CTNNA2: variants seen among roughly 807,000 people sequenced by gnomAD.
CTNNA2 encodes catenin alpha-2.
CTNNA2 carries 42 observed loss-of-function variants against 101.0 expected under a neutral mutation model. The observed-to-expected ratio is 0.42, with a 90% confidence interval of 0.32 to 0.54. The LOEUF (loss-of-function observed/expected upper bound fraction) is 0.54, where lower values mean the gene tolerates loss of function less well. Among genes scored for constraint, CTNNA2 ranks in the 20% least tolerant of loss-of-function variants. The pLI is 0.14. For synonymous variants in CTNNA2, 450 were observed against 456.4 expected, an observed-to-expected ratio of 0.99 and a Z score of 0.18; for missense variants, 871 against 1,223.1, an observed-to-expected ratio of 0.71 and a Z score of 4.29.
chr2:79,964,868 C>T (rs923718134), intron 7 of CTNNA2, among the ~76,000 whole-genome samples: 9 of 152,262 alleles, frequency 5.9e-5, no homozygotes, highest in African/African-American at 2.2e-4. Context: ...CAGGGATCCC[C>T]TTTTTCCAGT....
At chr2:80,539,124 T>G (rs1453948837) in intron 9 of CTNNA2, among the ~76,000 whole-genome samples, 1 of 152,104 alleles carries the variant, frequency 6.6e-6, no homozygotes, top group East Asian at 1.9e-4. Context: ...GTTCAAGCAA[T>G]TCTTGTACCT....
chr2:80,239,928 A>C (rs1709758053), intron 7 of CTNNA2, among the ~76,000 whole-genome samples: 1 of 151,144 alleles, frequency 6.6e-6, no homozygotes, highest in East Asian at 1.9e-4. Flanking sequence ...AAAAAACAAA[A>C]AACAAAACAA....
At chr2:80,165,672 C>T (rs753181722) in intron 7 of CTNNA2, among the ~76,000 whole-genome samples, 8 of 152,028 alleles carry the variant, frequency 5.3e-5, no homozygotes, top group Non-Finnish European at 1.0e-4. Flanking sequence ...TGGGGATGAC[C>T]GGATTATCAC....
At chr2:79,399,582 T>G (rs75639042) in intron 4 of CTNNA2, among the ~76,000 whole-genome samples, 6,677 of 152,126 alleles carry the variant, frequency 0.044, 192 homozygotes, top group Non-Finnish European at 0.064. Flanking sequence ...ATAGTCCAGA[T>G]AAGTCAATAA....
At chr2:80,017,733 A>G (rs556574462) in intron 7 of CTNNA2, among the ~76,000 whole-genome samples, 1 of 152,108 alleles carries the variant, frequency 6.6e-6, no homozygotes, top group Non-Finnish European at 1.5e-5. Context: ...AATTTCATTC[A>G]TAGACATTGA....
chr2:79,801,092 T>C (rs765431649), intron 3 of CTNNA2, among the ~76,000 whole-genome samples: 1 of 152,186 alleles, frequency 6.6e-6, no homozygotes, highest in Non-Finnish European at 1.5e-5. Context: ...TTAGAGAAAT[T>C]AGAAAGGACT....
At chr2:79,608,767 C>T (rs1358788351) in intron 1 of CTNNA2, among the ~76,000 whole-genome samples, 3 of 152,034 alleles carry the variant, frequency 2.0e-5, no homozygotes, top group African/African-American at 7.2e-5. Flanking sequence ...CAATAAAGAA[C>T]ATCTACATAA....
intron 7 of CTNNA2, among the ~76,000 whole-genome samples, chr2:80,206,642 C>T (rs1022252121): frequency 1.3e-5 from 2 of 152,164 alleles, no homozygotes; most frequent in African/African-American, 4.8e-5. Flanking sequence ...TCTGTGTTAC[C>T]TGCATCTTGT....
intron 1 of CTNNA2, among the ~76,000 whole-genome samples, chr2:79,196,022 C>T (rs897503080): frequency 2.0e-5 from 3 of 151,976 alleles, no homozygotes; most frequent in East Asian, 1.9e-4. Context: ...ATGCAATCTC[C>T]GCCTCCCAGG....
At chr2:79,287,008 A>G (rs939719671) in intron 2 of CTNNA2, among the ~76,000 whole-genome samples, 21 of 151,784 alleles carry the variant, frequency 1.4e-4, no homozygotes, top group Non-Finnish European at 2.6e-4. Context: ...CATTCATTTC[A>G]TCTTCCATCG....
intron 7 of CTNNA2, among the ~76,000 whole-genome samples, chr2:80,141,840 G>A (rs1204536709): frequency 6.9e-6 from 1 of 145,358 alleles, no homozygotes; most frequent in African/African-American, 2.6e-5. Flanking sequence ...GTTCCCTACA[G>A]GAACTAAAGA....
At chr2:80,223,140 C>T (rs984683830) in intron 7 of CTNNA2, among the ~76,000 whole-genome samples, 13 of 152,138 alleles carry the variant, frequency 8.5e-5, no homozygotes, top group South Asian at 2.1e-4. Context: ...CTGTCCAGTG[C>T]ACTGGAAAGA....
chr2:79,845,018 C>A (rs919613105), intron 3 of CTNNA2, among the ~76,000 whole-genome samples: 42 of 73,558 alleles, frequency 5.7e-4, no homozygotes, highest in Admixed American at 9.9e-4. Flanking sequence ...TTGTGTGTAT[C>A]TGTATATACA....
chr2:80,428,439 C>G (rs1681189889), intron 9 of CTNNA2, among the ~76,000 whole-genome samples: 1 of 152,112 alleles, frequency 6.6e-6, no homozygotes, highest in African/African-American at 2.4e-5. Context: ...GAGGCAAGGT[C>G]AGTGGGAAGA....
At chr2:79,655,680 T>G (rs1681558945) in intron 2 of CTNNA2, among the ~76,000 whole-genome samples, 1 of 151,834 alleles carries the variant, frequency 6.6e-6, no homozygotes, top group African/African-American at 2.4e-5. Context: ...AATACAAAAC[T>G]TAGACAGGCA....
intron 7 of CTNNA2, among the ~76,000 whole-genome samples, chr2:80,347,525 A>T (rs1672851584): frequency 6.6e-6 from 1 of 152,200 alleles, no homozygotes; most frequent in South Asian, 2.1e-4. Flanking sequence ...TGATTTTGAA[A>T]TGCACAGCGC....
At chr2:79,455,970 A>G (rs910521196) in intron 4 of CTNNA2, among the ~76,000 whole-genome samples, 4 of 152,140 alleles carry the variant, frequency 2.6e-5, no homozygotes, top group African/African-American at 9.6e-5. Flanking sequence ...GGTTGAGAGT[A>G]TCCAGGTAAG....
At chr2:80,098,883 G>C (rs1212595032) in intron 7 of CTNNA2, among the ~76,000 whole-genome samples, 1 of 152,084 alleles carries the variant, frequency 6.6e-6, no homozygotes, top group Non-Finnish European at 1.5e-5. Flanking sequence ...GAAGTAACCC[G>C]ATTTTCCAGA....
chr2:80,264,363 A>G (rs1672847314), intron 7 of CTNNA2, among the ~76,000 whole-genome samples: 1 of 152,208 alleles, frequency 6.6e-6, no homozygotes, highest in South Asian at 2.1e-4. Flanking sequence ...CTGGACTTGT[A>G]TGTCAGACTC....
Sources: allele counts gnomAD v4.1 joint callset (sites outside exome capture counted in the v4.1 genomes callset), GRCh38; gene constraint gnomAD v4.1.1; transcripts MANE v1.5; gene names NCBI Gene and HGNC (gene_info 2026-07-23, HGNC 2026-07-21).